RPRD1B: variants seen among roughly 807,000 people sequenced by gnomAD.
RPRD1B encodes regulation of nuclear pre-mRNA domain containing 1B, also known as regulation of nuclear pre-mRNA domain-containing protein 1B.
Under a neutral mutation model 41.5 loss-of-function variants are expected in RPRD1B, and 11 were observed. That is an observed-to-expected ratio of 0.27 (90% CI 0.17 to 0.44). RPRD1B has a LOEUF of 0.44. RPRD1B is among the 20% of genes least tolerant of loss of function. RPRD1B has a pLI of 1.00. For missense variants in RPRD1B, 248 were observed against 389.9 expected (o/e 0.64, Z 3.06); for synonymous variants, 158 against 155.6 (o/e 1.02, Z -0.12).
chr20:38,078,733 C>T (rs1194466464), intron 6 of RPRD1B, among the ~76,000 whole-genome samples: 1 of 152,100 alleles, frequency 6.6e-6, no homozygotes, highest in East Asian at 1.9e-4. Flanking sequence ...GCTCGATGGA[C>T]TTCTTCTCAC....
intron 6 of RPRD1B, among the ~76,000 whole-genome samples, chr20:38,084,823 T>C (rs1283474807): frequency 6.6e-6 from 1 of 152,240 alleles, no homozygotes; most frequent in African/African-American, 2.4e-5. Flanking sequence ...AACTACACAT[T>C]GGGCCTTACC....
chr20:38,049,798 G>A (rs1162727575), intron 3 of RPRD1B: 2 of 471,146 alleles, frequency 4.2e-6, no homozygotes, highest in Non-Finnish European at 4.4e-6. Context: ...CATGTTTCCT[G>A]GAGGATCGAG....
At position 38,058,592 on chromosome 20, in the gene RPRD1B, G is replaced by GT. The variant is rs1011989911; in HGVS notation, c.529-796dup. Among the ~76,000 whole-genome samples, 3 of 152,194 alleles carry GT rather than the reference G, an allele frequency of 2.0e-5. No individual in the cohort carries two copies. The East Asian group carries it at 5.8e-4, about 29-fold the overall frequency. On this transcript the variant is annotated intron_variant, in intron 4 of 6. Transcript: ENST00000373433. ...AATGTATCCCTGGTTTACTTTTCTT[G>GT]TTTTTTCCCCCTGGGTTTATAATAA...
chr20:38,056,539 G>T (rs1366542564), intron 3 of RPRD1B, among the ~76,000 whole-genome samples: 4 of 152,216 alleles, frequency 2.6e-5, no homozygotes, highest in Admixed American at 2.6e-4. Flanking sequence ...CAAAAAATGT[G>T]TATGTATCTG....
chr20:38,089,659 C>G, intron 6 of RPRD1B, 67 bp from the exon 7 acceptor site: 1 of 1,349,136 alleles, frequency 7.4e-7, no homozygotes, highest in South Asian at 1.2e-5. Context: ...AGCTGCCCGG[C>G]TCCAGCAGCA....
intron 5 of RPRD1B, among the ~76,000 whole-genome samples, chr20:38,065,300 C>T (rs1317906970): frequency 3.3e-5 from 5 of 152,086 alleles, no homozygotes; most frequent in Non-Finnish European, 7.4e-5. Flanking sequence ...TTTTTTCTGG[C>T]GGGGAGGGGG....
chr20:38,089,617 G>A (rs1249311546), intron 6 of RPRD1B, 109 bp from the exon 7 acceptor site: 1 of 854,970 alleles, frequency 1.2e-6, no homozygotes, highest in Non-Finnish European at 1.9e-6. Flanking sequence ...GGGCAGGCTG[G>A]TGGGGACAAG....
intron 2 of RPRD1B, among the ~76,000 whole-genome samples, chr20:38,046,173 TC>T (rs1278614833): frequency 6.6e-6 from 1 of 152,158 alleles, no homozygotes; most frequent in African/African-American, 2.4e-5. Flanking sequence ...AATGCAAAGT[TC>T]CAGGTAGGGT....
chr20:38,088,791 C>T (rs2074586169), intron 6 of RPRD1B, among the ~76,000 whole-genome samples: 1 of 152,198 alleles, frequency 6.6e-6, no homozygotes, highest in Admixed American at 6.5e-5. Context: ...GGTACACACC[C>T]TGTGTGAGGG....
At chr20:38,086,232 C>T (rs575824629) in intron 6 of RPRD1B, among the ~76,000 whole-genome samples, 7 of 152,296 alleles carry the variant, frequency 4.6e-5, no homozygotes, top group African/African-American at 1.7e-4. Context: ...ACAGTAGTTA[C>T]TACTTGAGTC....
chr20:38,057,688 G>T (rs754018236), intron 4 of RPRD1B, 44 bp downstream of exon 4: 1 of 1,367,250 alleles, frequency 7.3e-7, no homozygotes, highest in Non-Finnish European at 1.0e-6. Flanking sequence ...GGCTTAAAGT[G>T]ACCTCTAGTT....
chr20:38,091,709 C>G lies in RPRD1B; in HGVS notation c.*1834C>G, dbSNP rs1311442626. ...GCCCATCTGGGACACTCTATGCTTTCACCAAGGAAGTGCGATCTGAGCAGC... is the reference window on the plus strand; with the variant it reads ...GCCCATCTGGGACACTCTATGCTTTGACCAAGGAAGTGCGATCTGAGCAGC... On this transcript the variant is annotated 3_prime_UTR_variant, in exon 7 of 7. Transcript: ENST00000373433. The G allele has an allele frequency of 1.4e-5, 14 of 985,528 alleles. No homozygotes were observed. Among genetic ancestry groups the G allele is most frequent in the Non-Finnish European group, 1.6e-5 (13 of 829,950 alleles). The allele number at this position is 985,528 out of a possible 1,614,324, so 61.0% of individuals were successfully genotyped here.
Position 38,072,198 on chromosome 20 carries a change from G to A in RPRD1B, c.831+5942G>A, listed in dbSNP as rs2074419625. On this transcript the variant is annotated intron_variant, in intron 6 of 6. Coordinates refer to ENST00000373433, the MANE Select transcript of RPRD1B (RefSeq NM_021215.4). ...TTTTGAGTTAGTTTTTGTATGTGGT[G>A]TGATGTAGGGGGGGACCAACTTCAT... 2.6e-5 allele frequency among the ~76,000 whole-genome samples: 4 copies of A among 152,260 alleles called. No individual in the cohort carries two copies. In the South Asian group the frequency reaches 8.3e-4, roughly 32 times the overall value.
intron 3 of RPRD1B, among the ~76,000 whole-genome samples, chr20:38,050,998 T>A (rs2074179537): frequency 6.6e-6 from 1 of 152,210 alleles, no homozygotes; most frequent in African/African-American, 2.4e-5. Context: ...CCTTTTATAT[T>A]CCAGCTTTGA....
chr20:38,059,032 C>T (rs1268938590), intron 4 of RPRD1B, among the ~76,000 whole-genome samples: 5 of 152,084 alleles, frequency 3.3e-5, no homozygotes, highest in South Asian at 2.1e-4. Context: ...CAGTTGTTAA[C>T]ATCTGATATT....
At chr20:38,052,770 T>G (rs1041708236) in intron 3 of RPRD1B, among the ~76,000 whole-genome samples, 2 of 149,676 alleles carry the variant, frequency 1.3e-5, no homozygotes, top group East Asian at 1.9e-4. Context: ...TTTTTTTTTT[T>G]TTTTTTTTTT....
At chr20:38,053,996 G>A (rs1474154488) in intron 3 of RPRD1B, among the ~76,000 whole-genome samples, 5 of 152,170 alleles carry the variant, frequency 3.3e-5, no homozygotes, top group Non-Finnish European at 5.9e-5. Flanking sequence ...CAACTGTATA[G>A]TCTAACTTGG....
rs1245032492 is a variant in RPRD1B, at chr20:38,090,115, C to T, written c.*240C>T. 2 of 1,223,180 alleles carry T rather than the reference C, an allele frequency of 1.6e-6. No individual in the cohort carries two copies. Among genetic ancestry groups the T allele is most frequent in the Non-Finnish European group, 2.0e-6 (2 of 978,294 alleles). 75.8% of individuals were successfully genotyped at this position (1,223,180 alleles called of 1,614,324 possible). On this transcript the variant is annotated 3_prime_UTR_variant, in exon 7 of 7. Coordinates refer to ENST00000373433, the MANE Select transcript of RPRD1B (RefSeq NM_021215.4). ...TGCAAAGACTACAGACTTTTTCTCCCACTTCATATTTTCATGCCCCCCTGT... is the reference window on the plus strand; with the variant it reads ...TGCAAAGACTACAGACTTTTTCTCCTACTTCATATTTTCATGCCCCCCTGT...
At chr20:38,051,626 C>T (rs1214003954) in intron 3 of RPRD1B, among the ~76,000 whole-genome samples, 2 of 152,182 alleles carry the variant, frequency 1.3e-5, no homozygotes, top group East Asian at 1.9e-4. Flanking sequence ...TTCACACTGT[C>T]GTATTTCCTG....
Sources: gnomAD v4.1 joint callset for allele counts (sites outside exome capture counted in the v4.1 genomes callset) on GRCh38, gnomAD v4.1.1 for gene constraint, MANE v1.5 for transcripts, NCBI Gene and HGNC (gene_info 2026-07-23, HGNC 2026-07-21) for gene names.